DNM3: variants seen among roughly 807,000 people sequenced by gnomAD.
The protein encoded by DNM3 is dynamin-3.
DNM3 carries 47 observed loss-of-function variants against 101.6 expected under a neutral mutation model. That is an observed-to-expected ratio of 0.46 (90% confidence interval 0.37 to 0.59). The LOEUF (loss-of-function observed/expected upper bound fraction) is 0.59, where lower values mean the gene tolerates loss of function less well. Ranked by LOEUF, DNM3 falls within the 20% of genes least tolerant of loss-of-function variation. DNM3 has a pLI of 0.00. For missense variants in DNM3, 849 were observed against 1,085.7 expected (o/e 0.78, Z 3.06); for synonymous variants, 385 against 387.9 (o/e 0.99, Z 0.09).
chr1:171,911,949 C>G lies in DNM3; in HGVS notation c.162-9799C>G, dbSNP rs545259272. ...AGAGGGGCAAGGGAGGCCTTTGAGC[C>G]TCTTTGGTACCAGGCCTTAGGGCTA... On this transcript the variant is annotated intron_variant, in intron 1 of 20. Transcript: ENST00000627582. Among the ~76,000 whole-genome samples, 13 of 152,166 alleles carry G rather than the reference C, an allele frequency of 8.5e-5. No individual in the cohort carries two copies. The South Asian group carries it at 2.7e-3, about 32-fold the overall frequency.
intron 10 of DNM3, among the ~76,000 whole-genome samples, chr1:172,054,396 A>T (rs1338563883): frequency 6.6e-6 from 1 of 152,168 alleles, no homozygotes; most frequent in Non-Finnish European, 1.5e-5. Flanking sequence ...CAACTTTGAA[A>T]TTATTTTGGT....
intron 6 of DNM3, among the ~76,000 whole-genome samples, chr1:172,037,626 A>T (rs767188265): frequency 6.6e-6 from 1 of 152,060 alleles, no homozygotes; most frequent in Non-Finnish European, 1.5e-5. Flanking sequence ...TTCTTAATTA[A>T]TCATGCACTC....
At chr1:172,153,432 A>T (rs1415047713) in intron 14 of DNM3, among the ~76,000 whole-genome samples, 1 of 152,174 alleles carries the variant, frequency 6.6e-6, no homozygotes, top group Admixed American at 6.6e-5. Context: ...TTTTATCAAA[A>T]GGCAGTGATA....
intron 1 of DNM3, among the ~76,000 whole-genome samples, chr1:171,872,822 A>T (rs1172230519): frequency 6.6e-6 from 1 of 152,136 alleles, no homozygotes; most frequent in Non-Finnish European, 1.5e-5. Context: ...TTTGGACAAG[A>T]TACTCTTGCT....
At chr1:171,856,519 T>A (rs1023804732) in intron 1 of DNM3, among the ~76,000 whole-genome samples, 3 of 152,220 alleles carry the variant, frequency 2.0e-5, no homozygotes, top group Non-Finnish European at 2.9e-5. Flanking sequence ...GGGATGTTTT[T>A]CCATTTGTTT....
At chr1:172,271,584 G>A (rs959396994) in intron 15 of DNM3, among the ~76,000 whole-genome samples, 5 of 152,060 alleles carry the variant, frequency 3.3e-5, no homozygotes, top group African/African-American at 1.2e-4. Context: ...GTAGAAAATG[G>A]AAGAGTATTT....
At position 172,253,660 on chromosome 1, in the gene DNM3, G is replaced by T; in HGVS notation, c.1747G>T (p.Ala583Ser). 2 of 1,585,526 alleles carry T rather than the reference G, an allele frequency of 1.3e-6. No individual in the cohort carries two copies. The highest frequency in any genetic ancestry group is 1.7e-6 in the Non-Finnish European group (2 of 1,164,932). ...KSFMSSKHIF[A>S]LFNTEQRNVY... is the part of the protein sequence containing the mutation. The stretch of plus-strand genomic sequence containing the variant: ...CTTTATGTCTAGCAAGCACATCTTT[G>T]CACTCTTTAATACAGAGCAAAGGTA... Residue 583 changes from alanine to serine, a missense_variant, in exon 15 of 21, where the codon GCA becomes TCA. Physicochemically the swap from Ala to Ser is moderately conservative, Grantham distance 99. Transcript: ENST00000627582.
At chr1:171,867,137 G>T (rs551518099) in intron 1 of DNM3, among the ~76,000 whole-genome samples, 3 of 152,220 alleles carry the variant, frequency 2.0e-5, no homozygotes, top group Admixed American at 6.5e-5. Flanking sequence ...ACTTAGGAAG[G>T]GGGTAGGAGT....
chr1:172,238,621 C>T (rs969763292), intron 14 of DNM3, among the ~76,000 whole-genome samples: 2 of 152,028 alleles, frequency 1.3e-5, no homozygotes, highest in African/African-American at 4.8e-5. Flanking sequence ...TATCAGAGAT[C>T]GGCAGAGGTA....
chr1:172,249,468 C>T (rs2062084164), intron 14 of DNM3, among the ~76,000 whole-genome samples: 1 of 152,174 alleles, frequency 6.6e-6, no homozygotes, highest in South Asian at 2.1e-4. Context: ...AAGAACACTA[C>T]ACTGATGCTC....
chr1:172,086,411 T>C (rs1558546342), intron 12 of DNM3, among the ~76,000 whole-genome samples: 1 of 152,150 alleles, frequency 6.6e-6, no homozygotes, highest in Non-Finnish European at 1.5e-5. Flanking sequence ...AAAAGAACAG[T>C]CTAAAATTGC....
intron 13 of DNM3, among the ~76,000 whole-genome samples, chr1:172,117,490 A>C (rs879893685): frequency 2.6e-5 from 4 of 152,132 alleles, no homozygotes; most frequent in Non-Finnish European, 5.9e-5. Context: ...TGGGTTTATC[A>C]GGGGTTTCTG....
chr1:172,273,055 T>C (rs1347681991), intron 15 of DNM3, among the ~76,000 whole-genome samples: 1 of 152,122 alleles, frequency 6.6e-6, no homozygotes, highest in East Asian at 1.9e-4. Context: ...GTAACTTAAG[T>C]GGCATTAAAA....
chr1:172,057,941 A>T (rs1463773279), intron 10 of DNM3, among the ~76,000 whole-genome samples: 1 of 138,906 alleles, frequency 7.2e-6, no homozygotes, highest in Non-Finnish European at 1.5e-5. Flanking sequence ...TGCTGTATTC[A>T]GGAAACCCAT....
intron 10 of DNM3, among the ~76,000 whole-genome samples, chr1:172,068,617 A>T (rs1210533731): frequency 1.3e-5 from 2 of 152,192 alleles, no homozygotes; most frequent in Non-Finnish European, 2.9e-5. Context: ...GTGTTTCCTC[A>T]ACATAACAAG....
chr1:171,957,956 C>A (rs113790749), intron 2 of DNM3, among the ~76,000 whole-genome samples: 1 of 152,162 alleles, frequency 6.6e-6, no homozygotes, highest in Non-Finnish European at 1.5e-5. Flanking sequence ...ATAGCAGTGC[C>A]GCAGTCCACC....
At chr1:172,316,116 G>C (rs2065338924) in intron 16 of DNM3, among the ~76,000 whole-genome samples, 1 of 152,076 alleles carries the variant, frequency 6.6e-6, no homozygotes, top group Non-Finnish European at 1.5e-5. Flanking sequence ...TTTCAACCCA[G>C]AATTTCATAT....
intron 15 of DNM3, among the ~76,000 whole-genome samples, chr1:172,304,589 A>T (rs1027155496): frequency 2.0e-5 from 3 of 152,220 alleles, no homozygotes; most frequent in Non-Finnish European, 2.9e-5. Context: ...CATTCTTCTC[A>T]TCACCACATC....
intron 1 of DNM3, among the ~76,000 whole-genome samples, chr1:171,917,212 A>C (rs1335078496): frequency 6.6e-6 from 1 of 152,180 alleles, no homozygotes; most frequent in Non-Finnish European, 1.5e-5. Context: ...TACTGTACAG[A>C]TTATCTGGTT....
Sources: allele counts gnomAD v4.1 joint callset (sites outside exome capture counted in the v4.1 genomes callset), GRCh38; gene constraint gnomAD v4.1.1; transcripts MANE v1.5; gene names NCBI Gene and HGNC (gene_info 2026-07-23, HGNC 2026-07-21).